The following VCL variants were observed in gnomAD, a reference collection of about 807,000 sequenced individuals.
The protein encoded by VCL is epididymis luminal protein 114.
In VCL, 47 loss-of-function variants were observed where a neutral mutation model predicts 125.7. That is an observed-to-expected ratio of 0.37 (90% CI 0.30 to 0.48). The LOEUF (loss-of-function observed/expected upper bound fraction) is 0.48. Ranked by LOEUF, VCL falls within the 20% of genes least tolerant of loss-of-function variation. VCL has a pLI of 0.99. For synonymous variants in VCL, 458 were observed against 514.6 expected (o/e 0.89, Z 1.49); for missense variants, 1,069 against 1,455.5 (o/e 0.73, Z 4.32).
chr10:74,116,697 AATAAT>A (rs1488522593), intron 21 of VCL, among the ~76,000 whole-genome samples: 5 of 140,956 alleles, frequency 3.5e-5, no homozygotes, highest in Admixed American at 2.9e-4. Flanking sequence ...AAAAAAAAAA[AATAAT>A]AATAAAATAA....
intron 5 of VCL, among the ~76,000 whole-genome samples, 189 bp from the exon 6 acceptor site, chr10:74,074,554 C>CT (rs1839550761): frequency 6.6e-6 from 1 of 151,896 alleles, no homozygotes; most frequent in Admixed American, 6.6e-5. Context: ...TTTTCTTTTT[C>CT]TTTTTTTATT....
intron 1 of VCL, among the ~76,000 whole-genome samples, chr10:74,036,348 G>A (rs574219283): frequency 2.6e-5 from 4 of 151,876 alleles, no homozygotes; most frequent in Non-Finnish European, 4.4e-5. Flanking sequence ...GATTACAGGC[G>A]CCCACCATCA....
intron 1 of VCL, among the ~76,000 whole-genome samples, chr10:74,007,165 A>G (rs1428465610): frequency 1.3e-5 from 2 of 152,014 alleles, no homozygotes; most frequent in Non-Finnish European, 2.9e-5. Context: ...CAAATATCCA[A>G]ATGGGGTTTT....
intron 14 of VCL, 104 bp downstream of exon 14, chr10:74,101,201 CAT>C: frequency 1.4e-6 from 2 of 1,468,274 alleles, no homozygotes; most frequent in South Asian, 1.2e-5. Context: ...CATAAAAAAA[CAT>C]ATACAGGCCA....
At position 74,031,457 on chromosome 10, in the gene VCL, C is replaced by T. The variant is rs535762423; in HGVS notation, c.169-11626C>T. 8.5e-5 allele frequency among the ~76,000 whole-genome samples: 13 copies of T among 152,192 alleles called. No homozygotes were observed. The South Asian group carries it at 2.7e-3, about 32-fold the overall frequency. On this transcript the variant is annotated intron_variant, in intron 1 of 21. Transcript: ENST00000211998. Reference sequence around the variant, plus strand: ...TTATACCATACACAAAAATTGACTCCAAATGGATCACAGACCTAACTATAA... The same window carrying T: ...TTATACCATACACAAAAATTGACTCTAAATGGATCACAGACCTAACTATAA...
Position 74,119,351 on chromosome 10 carries a change from G to T in VCL, c.*1182G>T, listed in dbSNP as rs565092802. On this transcript the variant is annotated 3_prime_UTR_variant, in exon 22 of 22. Transcript: ENST00000211998. ...GACACTTCCTGCCTAAGGGAGAGTG[G>T]TATTTGCAGACTAGAATTCTAGTGC... is the stretch of plus-strand genomic sequence containing the variant. The T allele has an allele frequency of 3.9e-5, 6 of 152,364 alleles. No individual in the cohort carries two copies. The highest frequency in any genetic ancestry group is 2.0e-4 in the Admixed American group (3 of 15,302). 9.4% of individuals were successfully genotyped at this position (152,364 alleles called of 1,614,324 possible).
At chr10:74,033,161 T>G (rs1342758375) in intron 1 of VCL, among the ~76,000 whole-genome samples, 1 of 152,188 alleles carries the variant, frequency 6.6e-6, no homozygotes, top group Non-Finnish European at 1.5e-5. Context: ...GGACAAAATG[T>G]GATGTAACCA....
chr10:74,072,215 A>G (rs992302100), intron 4 of VCL, among the ~76,000 whole-genome samples: 3 of 152,208 alleles, frequency 2.0e-5, no homozygotes, highest in African/African-American at 7.2e-5. Context: ...TAATATTTCT[A>G]TTTGTTTCTA....
chr10:74,030,821 T>G (rs1052801731), intron 1 of VCL, among the ~76,000 whole-genome samples: 1 of 152,212 alleles, frequency 6.6e-6, no homozygotes, highest in Non-Finnish European at 1.5e-5. Flanking sequence ...ATTGGAACGC[T>G]AAGCTTGTGG....
At chr10:74,111,862 C>T (rs1290758801) in intron 18 of VCL, 47 bp from the exon 19 acceptor site, 2 of 1,610,418 alleles carry the variant, frequency 1.2e-6, no homozygotes, top group Admixed American at 1.7e-5. Context: ...TCGTATTGCT[C>T]TTACTAACAC....
intron 2 of VCL, among the ~76,000 whole-genome samples, chr10:74,049,110 A>AAAAC (rs71482566): frequency 0.15 from 22,528 of 146,572 alleles, 1,764 homozygotes; most frequent in East Asian, 0.23. Context: ...CCATCTCAAA[A>AAAAC]AAACAAACAA....
intron 1 of VCL, among the ~76,000 whole-genome samples, chr10:74,025,440 C>G (rs147299322): frequency 0.028 from 4,289 of 151,696 alleles, 207 homozygotes; most frequent in African/African-American, 0.098. Context: ...ATGATGAAAC[C>G]CCACCTCTAC....
At chr10:74,057,919 G>T (rs756932063) in intron 2 of VCL, among the ~76,000 whole-genome samples, 1 of 152,136 alleles carries the variant, frequency 6.6e-6, no homozygotes, top group Non-Finnish European at 1.5e-5. Context: ...GACAAAAGTT[G>T]ATCATGCAAT....
intron 2 of VCL, among the ~76,000 whole-genome samples, chr10:74,051,261 G>A (rs1181898700): frequency 6.6e-6 from 1 of 151,924 alleles, no homozygotes; most frequent in Non-Finnish European, 1.5e-5. Flanking sequence ...GTTTTAGACG[G>A]AGTCTTGCTC....
At chr10:74,074,608 T>G in intron 5 of VCL, 135 bp from the exon 6 acceptor site, 1 of 955,178 alleles carries the variant, frequency 1.0e-6, no homozygotes, top group Non-Finnish European at 1.6e-6. Flanking sequence ...TTGTCAAACT[T>G]GTAGTGTTTG....
rs1389711020 is a variant in VCL at position 74,094,343 on chromosome 10, C to T, written c.1425C>T (p.Thr475=). 6.2e-7 allele frequency: 1 copy of T among 1,614,166 alleles called. No homozygotes were observed. Among genetic ancestry groups the T allele is most frequent in the South Asian group, 1.1e-5 (1 of 91,070 alleles). ...CCACGGCCCTGCAGAACCTGCAGAC[C>T]AAAACCAACCGGGCTGTGGCCAACA... ...QVATALQNLQ[T]KTNRAVANSR... Residue 475 remains threonine (T), a synonymous_variant, in exon 11 of 22, where the codon ACC becomes ACT. Coordinates refer to ENST00000211998, the MANE Select transcript of VCL (RefSeq NM_014000.3).
In VCL at chr10:74,050,293, A is replaced by T. The variant is rs12243548; in HGVS notation, c.239+7140A>T. On this transcript the variant is annotated intron_variant, in intron 2 of 21. Transcript: ENST00000211998. ...CTGTAATGTCTAGGCTTATTGAATA[A>T]AAGAATGTTCCCAAAATACCATGTG... 3.6e-3 allele frequency among the ~76,000 whole-genome samples: 551 copies of T among 152,364 alleles called. 6 individuals carry two copies. Among genetic ancestry groups the T allele is most frequent in the African/African-American group, 0.012 (513 of 41,592 alleles).
At position 73,998,313 on chromosome 10, in the gene VCL, G is replaced by A. The variant is rs1840154313; in HGVS notation, c.106G>A (p.Ala36Thr). The change falls in exon 1 of 22, where the codon GCC becomes ACC. Residue 36 changes from alanine to threonine, a missense_variant. This residue lies in a region of VCL where 96 missense variants were observed against 137.6 expected (regional missense o/e 0.70). Transcript: ENST00000211998. ...MHEEGEVDGK[A>T]IPDLTAPVAA... ...CGAGGAGGGCGAGGTGGACGGCAAA[G>A]CCATTCCTGACCTCACCGCGCCCGT... 1.9e-6 allele frequency: 3 copies of A among 1,587,490 alleles called. No homozygotes were observed. Among genetic ancestry groups the A allele is most frequent in the Non-Finnish European group, 2.6e-6 (3 of 1,166,670 alleles).
At chr10:74,058,905 G>A (rs1330257441) in intron 2 of VCL, among the ~76,000 whole-genome samples, 1 of 152,076 alleles carries the variant, frequency 6.6e-6, no homozygotes, top group African/African-American at 2.4e-5. Context: ...GTGTGTGTGT[G>A]TGCGTGTGCA....
Sources: gnomAD v4.1 joint callset for allele counts (sites outside exome capture counted in the v4.1 genomes callset) on GRCh38, gnomAD v4.1.1 for gene constraint, gnomAD v4.1.1 regional missense constraint, MANE v1.5 for transcripts, NCBI Gene and HGNC (gene_info 2026-07-23, HGNC 2026-07-21) for gene names.